Variants in MAP1A observed in about 807,000 individuals in gnomAD.
MAP1A encodes the protein microtubule associated protein 1A, also known as microtubule-associated protein 1A.
In MAP1A, 42 loss-of-function variants were observed where a neutral mutation model predicts 185.9. The ratio of observed to expected loss-of-function variants is 0.23; its 90% confidence interval spans 0.18 to 0.29. MAP1A has a LOEUF of 0.29. Ranked by LOEUF, MAP1A falls within the 10% of genes least tolerant of loss-of-function variation. The pLI is 1.00. For synonymous variants in MAP1A, 1,229 were observed against 1,335.9 expected (o/e 0.92, Z 1.74); for missense variants, 2,995 against 3,450.4 (o/e 0.87, Z 3.31).
In MAP1A at chr15:43,523,114, T is replaced by C; in HGVS notation, c.1641T>C (p.Ala547=). The change falls in exon 4 of 6, where the codon GCT becomes GCC. Residue 547 remains alanine, a synonymous_variant. Coordinates refer to ENST00000300231, the MANE Select transcript of MAP1A (RefSeq NM_002373.6). ...AGCGTGAGGAGAGGGCTTTGCTGGC[T>C]GAACAAAGGGACACAGGACTAGGAG... ...EMKREERALL[A]EQRDTGLGDK... is the part of the protein sequence containing the mutation. 1 of 1,614,102 alleles carries C rather than the reference T, an allele frequency of 6.2e-7. No individual in the cohort carries two copies. The highest frequency in any genetic ancestry group is 1.3e-5 in the African/African-American group (1 of 75,008).
chr15:43,520,132 G>T (rs979582744), intron 1 of MAP1A, among the ~76,000 whole-genome samples: 1 of 152,150 alleles, frequency 6.6e-6, no homozygotes, highest in African/African-American at 2.4e-5. Flanking sequence ...GGCCTTGGAT[G>T]GCAAGAAGGG....
At position 43,524,469 on chromosome 15, in the gene MAP1A, C is replaced by T. The variant is rs1185180265; in HGVS notation, c.2996C>T (p.Pro999Leu). Residue 999 changes from proline to leucine, a missense_variant, in exon 4 of 6, where the codon CCA (proline) becomes CTA (leucine). By Grantham distance (98) the Pro-to-Leu change is moderately conservative. Around this residue, in one of 3 missense-constraint regions of MAP1A, gnomAD observed 2,728 missense variants for 2,986.0 expected, o/e 0.91. Coordinates refer to ENST00000300231, the MANE Select transcript of MAP1A (RefSeq NM_002373.6). ...ACAGTGAAGATGGCTTCTCCTCCAC[C>T]ATCTGGCCCACCCAGTGCCACCCAC... ...DSTVKMASPP[P>L]SGPPSATHTP... The T allele has an allele frequency of 6.2e-7, 1 of 1,614,074 alleles. No homozygotes were observed. The highest frequency in any genetic ancestry group is 2.2e-5 in the East Asian group (1 of 44,898).
rs999959286 is a variant in MAP1A at position 43,522,161 on chromosome 15, G to T, written c.688G>T (p.Val230Leu). 1.2e-6 allele frequency: 2 copies of T among 1,614,228 alleles called. No individual in the cohort carries two copies. The highest frequency in any genetic ancestry group is 2.2e-5 in the East Asian group (1 of 44,886). The change falls in exon 4 of 6, where the codon GTG (valine) becomes TTG (leucine). Residue 230 changes from valine (V) to leucine (L), a missense_variant. Val to Leu is a conservative substitution (Grantham distance 32). Coordinates refer to ENST00000300231, the MANE Select transcript of MAP1A (RefSeq NM_002373.6). This position sits in a 1 kb window ranked among gnomAD's most constrained non-coding sequence, Gnocchi z 5.9. ...AGNSKAKTGI[V>L]LPNGKEAEIS... ...CAATAGTAAAGCCAAGACAGGCATC[G>T]TGCTGCCCAATGGGAAGGAGGCTGA...
In MAP1A at chr15:43,526,211, G is replaced by A. The variant is rs1054452205; in HGVS notation, c.4738G>A (p.Glu1580Lys). The A allele has an allele frequency of 1.2e-5, 19 of 1,613,686 alleles. No homozygotes were observed. The Admixed American group carries it at 2.0e-4, about 17-fold the overall frequency. The part of the protein sequence containing the change: ...QALEENHQTQ[E>K]QESLVQEDKT... Reference sequence around the variant, plus strand: ...TCTGGAAGAGAACCACCAAACTCAGGAGCAGGAGAGCCTAGTGCAGGAGGA... The same window carrying A: ...TCTGGAAGAGAACCACCAAACTCAGAAGCAGGAGAGCCTAGTGCAGGAGGA... The change falls in exon 4 of 6, where the codon GAG (glutamate) becomes AAG (lysine). Residue 1580 changes from glutamate (E) to lysine (K), a missense_variant. Coordinates refer to ENST00000300231, the MANE Select transcript of MAP1A (RefSeq NM_002373.6). The surrounding 1 kb of genome is among the most constrained non-coding windows in gnomAD (Gnocchi z 4.7).
chr15:43,511,907 A>G, intron 1 of MAP1A, among the ~76,000 whole-genome samples: 1 of 152,142 alleles, frequency 6.6e-6, no homozygotes. Context: ...CAACTGGGGA[A>G]CCTTACAAGA....
At chr15:43,512,221 C>A in exon 2 of MAP1A, 1 of 1,549,748 alleles carries the variant, frequency 6.5e-7, no homozygotes, top group Non-Finnish European at 8.7e-7. Context: ...ACCTGTCATC[C>A]TTTGACTTGA....
intron 2 of MAP1A, 72 bp downstream of exon 2, chr15:43,520,795 A>G: frequency 1.5e-6 from 2 of 1,370,674 alleles, no homozygotes; most frequent in East Asian, 2.5e-5. Flanking sequence ...CAGTGCTACC[A>G]CTATTAGGCC....
rs1205306991 is a variant in MAP1A, at chr15:43,526,695, C to A, written c.5222C>A (p.Pro1741His). 3 of 1,613,854 alleles carry A rather than the reference C, an allele frequency of 1.9e-6. No homozygotes were observed. In the Admixed American group the frequency reaches 5.0e-5, roughly 27 times the overall value. The change falls in exon 4 of 6, where the codon CCC becomes CAC. Residue 1741 changes from proline (P) to histidine (H), a missense_variant. Pro to His is a moderately conservative substitution (Grantham distance 77). Around this residue, in one of 3 missense-constraint regions of MAP1A, gnomAD observed 2,728 missense variants for 2,986.0 expected, o/e 0.91. Coordinates refer to ENST00000300231, the MANE Select transcript of MAP1A (RefSeq NM_002373.6). This position sits in a 1 kb window ranked among gnomAD's most constrained non-coding sequence, Gnocchi z 4.7. ...GGCCCAGATGATGAGCAAGAAGTAC[C>A]CCTGCGGGAACACGCAACCCGGAGC... ...DEGPDDEQEV[P>H]LREHATRSPW...
rs528351142 is a variant in MAP1A at position 43,525,513 on chromosome 15, C to G, written c.4040C>G (p.Pro1347Arg). The G allele has an allele frequency of 1.2e-6, 2 of 1,614,192 alleles. No individual in the cohort carries two copies. The highest frequency in any genetic ancestry group is 2.2e-5 in the East Asian group (1 of 44,896). ...DIAIKWEDKV[P>R]GLKDRTSEQK... ...GCCATAAAGTGGGAAGATAAAGTTC[C>G]AGGGTTGAAAGACAGAACCTCAGAA... is the stretch of plus-strand genomic sequence containing the variant. The change falls in exon 4 of 6, where the codon CCA (proline) becomes CGA (arginine). Residue 1347 changes from proline (P) to arginine (R), a missense_variant. Pro to Arg is a moderately radical substitution (Grantham distance 103). Transcript: ENST00000300231.
At chr15:43,511,041 C>G (rs2079273475) in exon 1 of MAP1A, 2 of 1,548,918 alleles carry the variant, frequency 1.3e-6, no homozygotes, top group South Asian at 2.4e-5. Flanking sequence ...ATGGAGACAA[C>G]TCCGGGGCTG....
Position 43,526,749 on chromosome 15 carries a change from A to C in MAP1A, c.5276A>C (p.Gln1759Pro). ...TGGGCCTCAGACTTCAAGGATTTCC[A>C]GGAATCCTCACCACAGAAGGGGCTA... ...SPWASDFKDF[Q>P]ESSPQKGLEV... is the part of the protein sequence containing the mutation. The change falls in exon 4 of 6, where the codon CAG becomes CCG. Residue 1759 changes from glutamine (Q) to proline (P), a missense_variant. Physicochemically the swap from Gln to Pro is moderately conservative, Grantham distance 76. Around this residue, in one of 3 missense-constraint regions of MAP1A, gnomAD observed 2,728 missense variants for 2,986.0 expected, o/e 0.91. Transcript: ENST00000300231. This position sits in a 1 kb window ranked among gnomAD's most constrained non-coding sequence, Gnocchi z 4.7. 6.2e-7 allele frequency: 1 copy of C among 1,614,184 alleles called. No individual in the cohort carries two copies. The highest frequency in any genetic ancestry group is 8.5e-7 in the Non-Finnish European group (1 of 1,180,024).
At chr15:43,517,345 T>C (rs2079301275), upstream of MAP1A, among the ~76,000 whole-genome samples, 1 of 152,132 alleles carries the variant, frequency 6.6e-6, no homozygotes, top group Non-Finnish European at 1.5e-5. Context: ...TTTGGTCTTT[T>C]GGCTGATGCC....
chr15:43,517,602 CG>C, upstream of MAP1A: 3 of 485,620 alleles, frequency 6.2e-6, no homozygotes, highest in Non-Finnish European at 8.0e-6. Flanking sequence ...CCCCACCGCC[CG>C]CCCCACTCCC....
intron 5 of MAP1A, 26 bp from the exon 6 acceptor site, chr15:43,530,043 T>A: frequency 6.2e-7 from 1 of 1,612,762 alleles, no homozygotes; most frequent in South Asian, 1.1e-5. Context: ...TGTTCTCACA[T>A]CAGACATATC....
chr15:43,521,867 C>G lies in MAP1A; in HGVS notation c.394C>G (p.Leu132Val). The G allele has an allele frequency of 6.2e-7, 1 of 1,614,192 alleles. No individual in the cohort carries two copies. Among genetic ancestry groups the G allele is most frequent in the Non-Finnish European group, 8.5e-7 (1 of 1,180,016 alleles). The part of the protein sequence containing the change: ...DWVKNLISPE[L>V]GVVFFNVPEK... ...GGTGAAGAACCTTATCTCTCCTGAG[C>G]TTGGAGTTGTCTTTTTCAACGTGCC... is the stretch of plus-strand genomic sequence containing the variant. The change falls in exon 4 of 6, where the codon CTT (leucine) becomes GTT (valine). Residue 132 changes from leucine to valine, a missense_variant. Around this residue, in one of 3 missense-constraint regions of MAP1A, gnomAD observed 264 missense variants for 435.3 expected, o/e 0.61. Coordinates refer to ENST00000300231, the MANE Select transcript of MAP1A (RefSeq NM_002373.6). The surrounding 1 kb of genome is among the most constrained non-coding windows in gnomAD (Gnocchi z 4.6).
chr15:43,512,205 A>C (rs1412025489), exon 2 of MAP1A: 2 of 1,547,066 alleles, frequency 1.3e-6, no homozygotes, highest in Non-Finnish European at 1.7e-6. Context: ...CTCTCCTGGA[A>C]CATTGACCTG....
Position 43,522,687 on chromosome 15 carries a change from T to G in MAP1A, c.1214T>G (p.Leu405Arg), listed in dbSNP as rs1440837328. ...AAAGACAAGGTAGGGAAAAAGCACCTTAAAGAAAAGATATCAAAGCTGGAA... is the reference window on the plus strand; with the variant it reads ...AAAGACAAGGTAGGGAAAAAGCACCGTAAAGAAAAGATATCAAAGCTGGAA... ...LIKDKVGKKH[L>R]KEKISKLEEK... is the part of the protein sequence containing the mutation. The change falls in exon 4 of 6, where the codon CTT (leucine) becomes CGT (arginine). Residue 405 changes from leucine to arginine, a missense_variant. By Grantham distance (102) the Leu-to-Arg change is moderately radical (BLOSUM62 -2). This residue lies in a region of MAP1A where 2,728 missense variants were observed against 2,986.0 expected (regional missense o/e 0.91). Coordinates refer to ENST00000300231, the MANE Select transcript of MAP1A (RefSeq NM_002373.6). This position sits in a 1 kb window ranked among gnomAD's most constrained non-coding sequence, Gnocchi z 5.9. The G allele has an allele frequency of 6.2e-7, 1 of 1,604,996 alleles. No individual in the cohort carries two copies. The highest frequency in any genetic ancestry group is 8.5e-7 in the Non-Finnish European group (1 of 1,176,656).
Position 43,528,773 on chromosome 15 carries a change from C to T in MAP1A, c.7300C>T (p.Pro2434Ser). 1.2e-6 allele frequency: 2 copies of T among 1,613,342 alleles called. No homozygotes were observed. The highest frequency in any genetic ancestry group is 1.7e-4 in the Middle Eastern group (1 of 6,060). The change falls in exon 4 of 6, where the codon CCC becomes TCC. Residue 2434 changes from proline (P) to serine (S), a missense_variant. Pro to Ser is a moderately conservative substitution (Grantham distance 74). Coordinates refer to ENST00000300231, the MANE Select transcript of MAP1A (RefSeq NM_002373.6). ...TGCCTCTCCTGAGGTCGAAGCTGGG[C>T]CCCAGGGATGTGCCACTGAGCCTCG... ...SSASPEVEAG[P>S]QGCATEPRPH... is the part of the protein sequence containing the mutation.
chr15:43,526,483 A>C lies in MAP1A; in HGVS notation c.5010A>C (p.Ala1670=). ...PAGEQKELAP[A]WEDTSPEQDN... is the part of the protein sequence containing the mutation. ...GAGAACAGAAAGAGCTTGCCCCGGC[A>C]TGGGAGGACACATCTCCTGAGCAGG... is the stretch of plus-strand genomic sequence containing the variant. The change falls in exon 4 of 6, where the codon GCA becomes GCC. Residue 1670 remains alanine (A), a synonymous_variant. Transcript: ENST00000300231. This position sits in a 1 kb window ranked among gnomAD's most constrained non-coding sequence, Gnocchi z 4.7. 6.2e-7 allele frequency: 1 copy of C among 1,614,122 alleles called. No individual in the cohort carries two copies. The highest frequency in any genetic ancestry group is 8.5e-7 in the Non-Finnish European group (1 of 1,180,016).
Sources: gnomAD v4.1 joint callset for allele counts (sites outside exome capture counted in the v4.1 genomes callset) on GRCh38, gnomAD v4.1.1 for gene constraint, gnomAD v4.1.1 regional missense constraint, Gnocchi (gnomAD v3.1) non-coding constraint, MANE v1.5 for transcripts, NCBI Gene and HGNC (gene_info 2026-07-23, HGNC 2026-07-21) for gene names.